The following SOX6 variants were observed in gnomAD, a reference collection of about 807,000 sequenced individuals.
SOX6 encodes SRY-box transcription factor 6.
SOX6 carries 11 observed loss-of-function variants against 97.8 expected under a neutral mutation model. The ratio of observed to expected loss-of-function variants is 0.11; its 90% CI spans 0.07 to 0.19. SOX6 has a LOEUF of 0.19. Among genes scored for constraint, SOX6 ranks in the 10% least tolerant of loss-of-function variants. The pLI, the probability that SOX6 is intolerant of heterozygous loss-of-function variation, is 1.00. For synonymous variants in SOX6, 360 were observed against 371.4 expected (o/e 0.97, Z 0.35); for missense variants, 810 against 1,039.5 (o/e 0.78, Z 3.04).
At chr11:16,439,627 T>C (rs1360182353) in intron 1 of SOX6, among the ~76,000 whole-genome samples, 1 of 152,218 alleles carries the variant, frequency 6.6e-6, no homozygotes, top group African/African-American at 2.4e-5. Context: ...TCTCAAAGTA[T>C]AGCCACTTCC....
At chr11:16,562,162 C>T (rs933454602) in intron 4 of SOX6, among the ~76,000 whole-genome samples, 1 of 151,988 alleles carries the variant, frequency 6.6e-6, no homozygotes, top group African/African-American at 2.4e-5. Context: ...CTTCCAATTC[C>T]GGGAAGATGG....
intron 1 of SOX6, among the ~76,000 whole-genome samples, chr11:16,461,967 C>T (rs78288395): frequency 0.011 from 1,668 of 152,228 alleles, 30 homozygotes; most frequent in East Asian, 0.052. Context: ...AATACATTTG[C>T]GTTTGTTTCC....
intron 3 of SOX6, among the ~76,000 whole-genome samples, chr11:16,660,509 T>TG (rs1475224800): frequency 2.6e-5 from 4 of 152,232 alleles, no homozygotes; most frequent in African/African-American, 7.2e-5. Flanking sequence ...GCCCAGAATG[T>TG]GATCTATCTA....
intron 1 of SOX6, among the ~76,000 whole-genome samples, chr11:16,428,308 T>C (rs1256093123): frequency 6.6e-6 from 1 of 152,252 alleles, no homozygotes; most frequent in Non-Finnish European, 1.5e-5. Context: ...TTTCTTTTGC[T>C]GTGCAGAAGC....
chr11:16,570,556 C>A (rs1039028309), intron 4 of SOX6, among the ~76,000 whole-genome samples: 8 of 152,172 alleles, frequency 5.3e-5, no homozygotes, highest in African/African-American at 1.9e-4. Flanking sequence ...CATTCATTTA[C>A]CAGCTTCTTG....
intron 2 of SOX6, 49 bp downstream of exon 2, chr11:16,340,963 C>T (rs1380454132): frequency 6.2e-7 from 1 of 1,611,296 alleles, no homozygotes; most frequent in Non-Finnish European, 8.5e-7. Context: ...ATAATGAGGA[C>T]ATTCTAAGGA....
intron 6 of SOX6, among the ~76,000 whole-genome samples, chr11:16,145,676 C>A (rs1034597797): frequency 7.2e-5 from 11 of 152,260 alleles, no homozygotes; most frequent in African/African-American, 2.6e-4. Context: ...AATCAATGTA[C>A]AAAAATCACA....
intron 6 of SOX6, among the ~76,000 whole-genome samples, chr11:16,117,382 C>CA (rs398045011): frequency 4.6e-5 from 7 of 151,986 alleles, no homozygotes; most frequent in Admixed American, 1.3e-4. Context: ...AACAAACAAA[C>CA]AAACAAAAAA....
intron 4 of SOX6, among the ~76,000 whole-genome samples, chr11:16,522,548 G>A (rs1462076035): frequency 2.6e-5 from 4 of 151,982 alleles, no homozygotes; most frequent in East Asian, 1.9e-4. Flanking sequence ...AAGGACCATC[G>A]AGACTAGGAA....
chr11:16,077,456 G>A (rs1211796383), intron 9 of SOX6, among the ~76,000 whole-genome samples: 1 of 152,060 alleles, frequency 6.6e-6, no homozygotes, highest in Non-Finnish European at 1.5e-5. Context: ...ATCTCATTAT[G>A]GGGCATAAAC....
intron 9 of SOX6, among the ~76,000 whole-genome samples, chr11:16,066,717 T>TAGAGAGTAGAAAGATGGTTATCAG (rs1848102609): frequency 6.6e-6 from 1 of 151,978 alleles, no homozygotes; most frequent in Non-Finnish European, 1.5e-5. Context: ...CTCATGGAGA[T>TAGAGAGTAGAAAGATGGTTATCAG]AGAGAGTAGA....
intron 1 of SOX6, among the ~76,000 whole-genome samples, chr11:16,474,200 T>A (rs1018793155): frequency 1.3e-5 from 2 of 152,196 alleles, no homozygotes; most frequent in African/African-American, 4.8e-5. Context: ...CCTCCTCCAA[T>A]GAAGTCTTGA....
chr11:16,284,019 A>T (rs1854658832), intron 3 of SOX6: 1 of 270,014 alleles, frequency 3.7e-6, no homozygotes, highest in Non-Finnish European at 7.2e-6. Flanking sequence ...ATGAGATAGA[A>T]TACTTCTTTC....
chr11:16,076,734 C>T (rs1270986418), intron 9 of SOX6, among the ~76,000 whole-genome samples: 3 of 120,188 alleles, frequency 2.5e-5, no homozygotes, highest in Non-Finnish European at 3.2e-5. Flanking sequence ...AGGTACTACA[C>T]ATTTTTTTTT....
chr11:16,629,722 T>C (rs1368762475), intron 3 of SOX6, among the ~76,000 whole-genome samples: 1 of 152,086 alleles, frequency 6.6e-6, no homozygotes, highest in East Asian at 1.9e-4. Context: ...TCCATCCAGC[T>C]GAGGCTTTTT....
chr11:16,576,425 CAT>C (rs1278949746), intron 4 of SOX6, among the ~76,000 whole-genome samples: 1 of 152,138 alleles, frequency 6.6e-6, no homozygotes, highest in African/African-American at 2.4e-5. Flanking sequence ...CAATAGCCCA[CAT>C]GATATAAAAT....
At chr11:16,701,778 G>T (rs1165828216) in intron 3 of SOX6, among the ~76,000 whole-genome samples, 1 of 137,112 alleles carries the variant, frequency 7.3e-6, no homozygotes, top group African/African-American at 2.6e-5. Context: ...GGGTTCGGGG[G>T]GGTGGGAGGG....
At chr11:16,036,448 A>G (rs1855521961) in intron 12 of SOX6, among the ~76,000 whole-genome samples, 1 of 152,164 alleles carries the variant, frequency 6.6e-6, no homozygotes, top group South Asian at 2.1e-4. Context: ...AGAGTGTTGA[A>G]TATATGAATT....
chr11:16,363,414 G>A (rs1857259574), intron 1 of SOX6, among the ~76,000 whole-genome samples: 1 of 152,124 alleles, frequency 6.6e-6, no homozygotes, highest in Admixed American at 6.6e-5. Context: ...GAAGAGGGAT[G>A]TTCAATCCAA....
Sources: allele counts gnomAD v4.1 joint callset (sites outside exome capture counted in the v4.1 genomes callset), GRCh38; gene constraint gnomAD v4.1.1; transcripts MANE v1.5; gene names NCBI Gene and HGNC (gene_info 2026-07-23, HGNC 2026-07-21).